The following CNDP2 variants were observed in gnomAD, a reference collection of about 807,000 sequenced individuals.
CNDP2 encodes carnosine dipeptidase 2, also known as cytosolic non-specific dipeptidase.
A neutral mutation model predicts 55.0 loss-of-function variants in CNDP2; 38 were observed. The observed-to-expected ratio is 0.69, with a 90% CI of 0.53 to 0.90. The LOEUF (loss-of-function observed/expected upper bound fraction) is 0.90, where lower values mean the gene tolerates loss of function less well. CNDP2 is among the 40% of genes least tolerant of loss of function. CNDP2 has a pLI of 0.00. For missense variants in CNDP2, 607 were observed against 621.7 expected (o/e 0.98, Z 0.25); for synonymous variants, 241 against 260.2 (o/e 0.93, Z 0.71).
chr18:74,516,644 A>G, intron 9 of CNDP2: 2 of 461,562 alleles, frequency 4.3e-6, no homozygotes, highest in South Asian at 6.1e-5. Context: ...TCAAGGCTCC[A>G]GGCCAAACAC....
intron 1 of CNDP2, among the ~76,000 whole-genome samples, chr18:74,498,925 C>T (rs2144566972): frequency 6.6e-6 from 1 of 152,364 alleles, no homozygotes; most frequent in South Asian, 2.1e-4. Flanking sequence ...GCGATTTCAT[C>T]ACCCTGCACA....
At position 74,511,004 on chromosome 18, in the gene CNDP2, T is replaced by C; in HGVS notation, c.648T>C (p.Phe216=). Residue 216 remains phenylalanine, a synonymous_variant, in exon 6 of 12, where the codon TTT becomes TTC. Transcript: ENST00000324262. The part of the protein sequence containing the change: ...ITYGLRGICY[F]FIEVECSNKD... The stretch of plus-strand genomic sequence containing the variant: ...ACGGCCTCAGGGGCATTTGCTACTT[T>C]TTCATCGAGGTACAGTGCCAAGCTG... The C allele has an allele frequency of 5.0e-6, 8 of 1,613,964 alleles. No individual in the cohort carries two copies. Among genetic ancestry groups the C allele is most frequent in the African/African-American group, 4.0e-5 (3 of 75,032 alleles).
At position 74,520,774 on chromosome 18, in the gene CNDP2, A is replaced by G. The variant is rs1480602254; in HGVS notation, c.*706A>G. On this transcript the variant is annotated 3_prime_UTR_variant, in exon 12 of 12. Coordinates refer to ENST00000324262, the MANE Select transcript of CNDP2 (RefSeq NM_018235.3). ...TGAGAGTTGGAGGCTGCGATGAGCC[A>G]TGAATGCCCCACTGCACTCCAGCCT... 1.3e-5 allele frequency: 2 copies of G among 152,328 alleles called. No individual in the cohort carries two copies. Among genetic ancestry groups the G allele is most frequent in the Non-Finnish European group, 2.9e-5 (2 of 68,160 alleles). The allele number at this position is 152,328 out of a possible 1,614,324, so 9.4% of individuals were successfully genotyped here.
intron 11 of CNDP2, 131 bp downstream of exon 11, chr18:74,519,227 A>G: frequency 1.7e-6 from 2 of 1,211,218 alleles, no homozygotes; most frequent in Non-Finnish European, 2.2e-6. Context: ...GCCCTCCTGT[A>G]TTTGTGTGAA....
chr18:74,518,911 C>T (rs376553358), intron 10 of CNDP2, 38 bp from the exon 11 acceptor site: 104 of 1,606,888 alleles, frequency 6.5e-5, no homozygotes, highest in Admixed American at 1.2e-4. Flanking sequence ...CCTTAGGGCC[C>T]CAAAGCTCAC....
chr18:74,518,727 T>C, intron 10 of CNDP2, 87 bp downstream of exon 10: 1 of 1,566,856 alleles, frequency 6.4e-7, no homozygotes, highest in Non-Finnish European at 8.7e-7. Context: ...CGTGTAGCTA[T>C]GTCGGGGGCG....
chr18:74,506,715 G>T (rs1412011159), intron 4 of CNDP2, among the ~76,000 whole-genome samples: 1 of 152,216 alleles, frequency 6.6e-6, no homozygotes, highest in East Asian at 1.9e-4. Flanking sequence ...CCCCAGTGGG[G>T]GTGGCGATGT....
chr18:74,510,872 C>T lies in CNDP2; in HGVS notation c.516C>T (p.Gly172=), dbSNP rs1979308124. 6.2e-7 allele frequency: 1 copy of T among 1,614,064 alleles called. No individual in the cohort carries two copies. Residue 172 remains glycine (G), a synonymous_variant, in exon 6 of 12, where the codon GGC becomes GGT. Coordinates refer to ENST00000324262, the MANE Select transcript of CNDP2 (RefSeq NM_018235.3). The stretch of plus-strand genomic sequence containing the variant: ...GCATGGAGGAGTCAGGCTCTGAGGG[C>T]CTAGACGAGCTGATTTTTGCCCGGA... The part of the protein sequence containing the change: ...LEGMEESGSE[G]LDELIFARKD...
chr18:74,519,742 C>T (rs532193889), intron 11 of CNDP2, among the ~76,000 whole-genome samples: 39 of 152,324 alleles, frequency 2.6e-4, no homozygotes, highest in Middle Eastern at 6.8e-3. Context: ...GAGGAGCCCA[C>T]GATCCGAGCT....
chr18:74,502,607 C>T (rs74435550), intron 3 of CNDP2, among the ~76,000 whole-genome samples: 1 of 152,002 alleles, frequency 6.6e-6, no homozygotes, highest in Non-Finnish European at 1.5e-5. Flanking sequence ...TATGTTATTT[C>T]ACTAGTTTAT....
At chr18:74,517,002 A>ATAGCTTACGTGGCAGACGCGG (rs1979712974) in intron 9 of CNDP2, 1 of 103,146 alleles carries the variant, frequency 9.7e-6, no homozygotes, top group African/African-American at 3.0e-5. Flanking sequence ...GGCAGACGCG[A>ATAGCTTACGTGGCAGACGCGG]TAGCTTACGT....
In CNDP2 at chr18:74,520,290, G is replaced by A. The variant is rs999040232; in HGVS notation, c.*222G>A. On this transcript the variant is annotated 3_prime_UTR_variant, in exon 12 of 12. Coordinates refer to ENST00000324262, the MANE Select transcript of CNDP2 (RefSeq NM_018235.3). ...GTGACAGCTGAGTCACCCTGGGTAAGTTCTCAGAGTGGTCAGGATGGCTTG... is the reference window on the plus strand; with the variant it reads ...GTGACAGCTGAGTCACCCTGGGTAAATTCTCAGAGTGGTCAGGATGGCTTG... 1.9e-5 allele frequency: 10 copies of A among 531,508 alleles called. No individual in the cohort carries two copies. Among genetic ancestry groups the A allele is most frequent in the Middle Eastern group, 2.8e-4 (1 of 3,526 alleles). The allele number at this position is 531,508 out of a possible 1,614,324, so 32.9% of individuals were successfully genotyped here.
At chr18:74,505,541 A>G (rs1310421532) in intron 3 of CNDP2, among the ~76,000 whole-genome samples, 2 of 151,904 alleles carry the variant, frequency 1.3e-5, no homozygotes, top group Admixed American at 1.3e-4. Flanking sequence ...AGAGGTTGCA[A>G]TGAGCTGGGA....
rs1031007181 is a variant in CNDP2 at position 74,518,515 on chromosome 18, C to A, written c.1085C>A (p.Thr362Asn). The change falls in exon 10 of 12, where the codon ACT (threonine) becomes AAT (asparagine). Residue 362 changes from threonine (T) to asparagine (N), a missense_variant. Physicochemically the swap from Thr to Asn is moderately conservative, Grantham distance 65. Coordinates refer to ENST00000324262, the MANE Select transcript of CNDP2 (RefSeq NM_018235.3). ...GTGGTTTAGGTCACAAGCTACCTAACTAAGAAGTTTGCTGAACTACGCAGC... is the reference window on the plus strand; with the variant it reads ...GTGGTTTAGGTCACAAGCTACCTAAATAAGAAGTTTGCTGAACTACGCAGC... The part of the protein sequence containing the change: ...VVGEQVTSYL[T>N]KKFAELRSPN... The A allele has an allele frequency of 6.2e-7, 1 of 1,614,070 alleles. No individual in the cohort carries two copies. The highest frequency in any genetic ancestry group is 1.7e-5 in the Admixed American group (1 of 60,006).
intron 11 of CNDP2, 152 bp downstream of exon 11, chr18:74,519,248 C>G (rs1728078049): frequency 9.5e-7 from 1 of 1,050,906 alleles, no homozygotes. Context: ...GTGGGAACTT[C>G]AGATGGGAGG....
intron 5 of CNDP2, chr18:74,509,136 C>T: frequency 1.8e-6 from 1 of 546,398 alleles, no homozygotes; most frequent in Admixed American, 3.0e-5. Context: ...AATTGTTTTA[C>T]AGCTGCTTAA....
intron 3 of CNDP2, among the ~76,000 whole-genome samples, chr18:74,504,011 T>C (rs1194785352): frequency 7.6e-6 from 1 of 131,960 alleles, no homozygotes; most frequent in Non-Finnish European, 1.6e-5. Flanking sequence ...GGCCATACAC[T>C]GCACACGCAG....
chr18:74,508,605 C>T (rs562978921), intron 4 of CNDP2: 59 of 478,590 alleles, frequency 1.2e-4, no homozygotes, highest in South Asian at 1.0e-3. Flanking sequence ...ACCGTGACCA[C>T]GGTGGGAGAA....
chr18:74,497,874 T>C (rs935040519), intron 1 of CNDP2: 1 of 151,852 alleles, frequency 6.6e-6, no homozygotes, highest in Non-Finnish European at 1.5e-5. Flanking sequence ...TTTGCTTAAA[T>C]CAGCATACTG....
Sources: gnomAD v4.1 joint callset for allele counts (sites outside exome capture counted in the v4.1 genomes callset) on GRCh38, gnomAD v4.1.1 for gene constraint, MANE v1.5 for transcripts, NCBI Gene and HGNC (gene_info 2026-07-23, HGNC 2026-07-21) for gene names.